The following STOX2 variants were observed in gnomAD, a reference collection of about 807,000 sequenced individuals.
STOX2 encodes the protein storkhead-box protein 2.
In STOX2, 28 loss-of-function variants were observed where a neutral mutation model predicts 60.9. The ratio of observed to expected loss-of-function variants is 0.46; its 90% CI spans 0.34 to 0.63. The LOEUF (loss-of-function observed/expected upper bound fraction) is 0.63, where lower values mean the gene tolerates loss of function less well. Among genes scored for constraint, STOX2 ranks in the 30% least tolerant of loss-of-function variants. The probability of loss-of-function intolerance (pLI) is 0.01; values close to 1 mark genes in which losing one functional copy is unlikely to be tolerated. For synonymous variants in STOX2, 472 were observed against 463.9 expected (o/e 1.02, Z -0.22); for missense variants, 1,024 against 1,187.7 (o/e 0.86, Z 2.03).
intron 1 of STOX2, among the ~76,000 whole-genome samples, chr4:183,842,582 C>T (rs745952663): frequency 6.6e-6 from 1 of 152,090 alleles, no homozygotes; most frequent in African/African-American, 2.4e-5. Context: ...ACAGCAGGGC[C>T]GTGTGCACAT....
At chr4:183,978,716 T>C (rs1732539729) in intron 1 of STOX2, among the ~76,000 whole-genome samples, 1 of 152,210 alleles carries the variant, frequency 6.6e-6, no homozygotes, top group African/African-American at 2.4e-5. Flanking sequence ...AAAAGTTACA[T>C]GCTATATGAT....
chr4:183,833,872 C>T (rs1416747050), intron 1 of STOX2, among the ~76,000 whole-genome samples: 1 of 149,254 alleles, frequency 6.7e-6, no homozygotes, highest in Middle Eastern at 3.5e-3. Flanking sequence ...GTCCCAGCTA[C>T]TTGGGAGGCT....
At chr4:183,833,057 G>A (rs1198681570) in intron 1 of STOX2, among the ~76,000 whole-genome samples, 1 of 152,172 alleles carries the variant, frequency 6.6e-6, no homozygotes, top group Non-Finnish European at 1.5e-5. Context: ...ATTATCCATG[G>A]CGATGGTCTA....
At chr4:183,976,272 A>T (rs922947683) in intron 1 of STOX2, among the ~76,000 whole-genome samples, 25 of 152,254 alleles carry the variant, frequency 1.6e-4, no homozygotes, top group African/African-American at 5.8e-4. Context: ...AGATTGCGCC[A>T]CTGCACTCCA....
At chr4:183,802,822 C>T (rs575361378) in intron 1 of STOX2, among the ~76,000 whole-genome samples, 4 of 152,252 alleles carry the variant, frequency 2.6e-5, no homozygotes, top group East Asian at 1.9e-4. Flanking sequence ...GGGGTCTCAC[C>T]GTATTAGCCG....
In STOX2 at chr4:183,803,912, G is replaced by A. The variant is rs1350627941; in HGVS notation, c.364+5857G>A. On this transcript the variant is annotated intron_variant, in intron 1 of 2. Transcript: ENST00000513034. ...TGGGAGGCAGAAGTTGTAGTGAGCC[G>A]AGCTGAGATCACGACACTGCACTCC... Among the ~76,000 whole-genome samples the A allele has an allele frequency of 3.3e-5, 5 of 152,200 alleles. No individual in the cohort carries two copies. The Middle Eastern group carries it at 0.01, about 311-fold the overall frequency.
chr4:183,961,633 C>T (rs904242000), intron 1 of STOX2, among the ~76,000 whole-genome samples: 1 of 152,196 alleles, frequency 6.6e-6, no homozygotes, highest in Non-Finnish European at 1.5e-5. Flanking sequence ...ACATGCGTAT[C>T]TTCCACAGTG....
At chr4:183,875,104 A>G (rs79375088) in intron 1 of STOX2, among the ~76,000 whole-genome samples, 1,765 of 149,910 alleles carry the variant, frequency 0.012, 39 homozygotes, top group African/African-American at 0.041. Context: ...CTGTCCTTCC[A>G]CTGTCTGCAG....
intron 1 of STOX2, among the ~76,000 whole-genome samples, chr4:183,802,679 C>T (rs538059866): frequency 2.0e-5 from 3 of 151,996 alleles, no homozygotes; most frequent in East Asian, 3.9e-4. Context: ...GATCTCGGCT[C>T]ATTGCAAGCT....
intron 1 of STOX2, among the ~76,000 whole-genome samples, chr4:183,818,801 G>A (rs930867122): frequency 2.0e-5 from 3 of 151,516 alleles, no homozygotes; most frequent in Admixed American, 6.6e-5. Context: ...GGTGGCTGCC[G>A]GGCGGAGGGG....
intron 1 of STOX2, among the ~76,000 whole-genome samples, chr4:183,968,356 A>ACACACG (rs2111171400): frequency 7.1e-6 from 1 of 141,062 alleles, no homozygotes; most frequent in Non-Finnish European, 1.5e-5. Context: ...ACACACACAC[A>ACACACG]CACACACACA....
chr4:184,006,883 G>T (rs1481180745), intron 2 of STOX2, among the ~76,000 whole-genome samples: 2 of 148,936 alleles, frequency 1.3e-5, no homozygotes, highest in Non-Finnish European at 3.0e-5. Flanking sequence ...GGGCGTAGTG[G>T]CGGGCGCCTG....
intron 1 of STOX2, among the ~76,000 whole-genome samples, chr4:183,805,100 C>T (rs546480354): frequency 8.5e-5 from 13 of 152,076 alleles, no homozygotes; most frequent in African/African-American, 1.9e-4. Context: ...CGGGAAAGTT[C>T]GTTATATACA....
At chr4:183,817,154 C>G (rs1260043526) in intron 1 of STOX2, among the ~76,000 whole-genome samples, 1 of 152,234 alleles carries the variant, frequency 6.6e-6, no homozygotes, top group African/African-American at 2.4e-5. Context: ...TGTCCACATT[C>G]TTGGAAGCTA....
In STOX2 at chr4:184,001,260, G is replaced by A; in HGVS notation, c.167-65G>A. On this transcript the variant is annotated intron_variant, in intron 1 of 3. Coordinates refer to ENST00000308497, the MANE Select transcript of STOX2 (RefSeq NM_020225.3). The surrounding 1 kb of genome is among the most constrained non-coding windows in gnomAD (Gnocchi z 4.2). ...ACCAGGGCCAGATGGACGCGTGAAG[G>A]CGTGTGTCTGACAGATGACCGGGTC... The A allele has an allele frequency of 2.0e-6, 3 of 1,533,846 alleles. 1 individual carries two copies. The South Asian group carries it at 3.5e-5, about 18-fold the overall frequency.
At chr4:183,830,649 T>C (rs924035514) in intron 1 of STOX2, among the ~76,000 whole-genome samples, 2 of 152,184 alleles carry the variant, frequency 1.3e-5, no homozygotes, top group African/African-American at 2.4e-5. Flanking sequence ...GAGGGTGATA[T>C]AGGGTATATC....
intron 1 of STOX2, among the ~76,000 whole-genome samples, chr4:183,886,670 A>T (rs1045240080): frequency 6.6e-6 from 1 of 152,178 alleles, no homozygotes; most frequent in Non-Finnish European, 1.5e-5. Context: ...TAGTGGGGTA[A>T]GTAGTGTGGT....
chr4:184,007,015 CA>C (rs61393267), intron 2 of STOX2, among the ~76,000 whole-genome samples: 15,630 of 52,466 alleles, frequency 0.3, 819 homozygotes, highest in East Asian at 0.53. Flanking sequence ...GACTCTGTCT[CA>C]AAAAAAAAAA....
rs553235729 is a variant in STOX2 at position 183,993,510 on chromosome 4, C to T, written c.167-7815C>T. The stretch of plus-strand genomic sequence containing the variant: ...ATGATTAATGAGTGTCTTCTGTTTA[C>T]GCTCTCTTGATTAAAATGATTTACT... On this transcript the variant is annotated intron_variant, in intron 1 of 3. Coordinates refer to ENST00000308497, the MANE Select transcript of STOX2 (RefSeq NM_020225.3). Among the ~76,000 whole-genome samples, 14 of 152,198 alleles carry T rather than the reference C, an allele frequency of 9.2e-5. 1 individual carries two copies. In the South Asian group the frequency reaches 2.3e-3, roughly 25 times the overall value.
Sources: gnomAD v4.1 joint callset for allele counts (sites outside exome capture counted in the v4.1 genomes callset) on GRCh38, gnomAD v4.1.1 for gene constraint, Gnocchi (gnomAD v3.1) non-coding constraint, MANE v1.5 for transcripts, NCBI Gene and HGNC (gene_info 2026-07-23, HGNC 2026-07-21) for gene names.